AXIN1: variants seen among roughly 807,000 people sequenced by gnomAD.
AXIN1 encodes the protein axin-1.
AXIN1 carries 30 observed loss-of-function variants against 76.4 expected under a neutral mutation model. The observed-to-expected ratio is 0.39, with a 90% CI of 0.29 to 0.53. The LOEUF (loss-of-function observed/expected upper bound fraction) is 0.53. Ranked by LOEUF, AXIN1 falls within the 20% of genes least tolerant of loss-of-function variation. The pLI is 0.66. For missense variants in AXIN1, 1,140 were observed against 1,198.8 expected (o/e 0.95, Z 0.72); for synonymous variants, 545 against 501.4 (o/e 1.09, Z -1.16).
Position 291,530 on chromosome 16 carries a change from CCT to C in AXIN1, c.2187-235_2187-234del, listed in dbSNP as rs372114999. 2,197 of 589,418 alleles carry C rather than the reference CCT, an allele frequency of 3.7e-3. 26 individuals are homozygous for C. Among genetic ancestry groups the C allele is most frequent in the African/African-American group, 0.03 (1,641 of 54,134 alleles). 36.5% of individuals were successfully genotyped at this position (589,418 alleles called of 1,614,324 possible). ...ACATTCATGATCCCGGCACCAACCC[CCT>C]GAGTTCCCTGGACCGCACTTTGGGG... On this transcript the variant is annotated intron_variant, in intron 8 of 10. Transcript: ENST00000262320.
chr16:310,064 C>G lies in AXIN1; in HGVS notation c.1025G>C (p.Gly342Ala). The G allele has an allele frequency of 6.2e-7, 1 of 1,608,998 alleles. No homozygotes were observed. The highest frequency in any genetic ancestry group is 1.1e-5 in the South Asian group (1 of 90,278). The stretch of plus-strand genomic sequence containing the variant: ...CTTACGGATCCTGTATGGGGGGATC[C>G]CATCCCTGTCCAGGAGAAAGAGGCA... ...TLSLTDSSVDGIPPYRIRKQH... is the reference protein window; with the variant it reads ...TLSLTDSSVDAIPPYRIRKQH... Residue 342 changes from glycine (G) to alanine (A), a missense_variant, in exon 4 of 11, where the codon GGG becomes GCG. Transcript: ENST00000262320.
chr16:289,372 C>G (rs2141466384), intron 10 of AXIN1, 68 bp downstream of exon 10: 1 of 1,597,622 alleles, frequency 6.3e-7, no homozygotes, highest in Non-Finnish European at 8.6e-7. Flanking sequence ...GCTGGAAACC[C>G]TCTTTTTCAT....
At chr16:335,131 T>C (rs796316075) in intron 2 of AXIN1, among the ~76,000 whole-genome samples, 3 of 152,244 alleles carry the variant, frequency 2.0e-5, no homozygotes, top group Admixed American at 6.5e-5. Context: ...ATTTGTAAAC[T>C]TTTTTGTTCA....
At chr16:343,513 C>A (rs2053969808) in intron 2 of AXIN1, among the ~76,000 whole-genome samples, 2 of 151,654 alleles carry the variant, frequency 1.3e-5, no homozygotes, top group South Asian at 4.2e-4. Flanking sequence ...ACCAGACTGG[C>A]CAACGTGGTA....
chr16:319,253 G>A (rs888153979), intron 2 of AXIN1, among the ~76,000 whole-genome samples: 1 of 152,102 alleles, frequency 6.6e-6, no homozygotes, highest in African/African-American at 2.4e-5. Flanking sequence ...CAGGAGACTC[G>A]CTGGAGCCCG....
intron 5 of AXIN1, among the ~76,000 whole-genome samples, chr16:302,995 G>A (rs2052914582): frequency 6.6e-6 from 1 of 152,080 alleles, no homozygotes. Context: ...CTGAATACCT[G>A]GGACCACAGG....
intron 2 of AXIN1, among the ~76,000 whole-genome samples, chr16:320,023 G>A (rs1286724906): frequency 1.3e-5 from 2 of 152,052 alleles, no homozygotes; most frequent in East Asian, 3.9e-4. Flanking sequence ...TCCTGTGCCT[G>A]GACATGTCTC....
chr16:336,612 T>C (rs2053808308), intron 2 of AXIN1, among the ~76,000 whole-genome samples: 1 of 151,202 alleles, frequency 6.6e-6, no homozygotes, highest in Non-Finnish European at 1.5e-5. Context: ...ACGAGGTCAG[T>C]CCAAGACCAG....
chr16:297,532 C>A (rs985876107), intron 6 of AXIN1, among the ~76,000 whole-genome samples, 190 bp downstream of exon 6: 1 of 152,140 alleles, frequency 6.6e-6, no homozygotes, highest in African/African-American at 2.4e-5. Flanking sequence ...GTCCCCTAAC[C>A]TTCATCTCCC....
chr16:293,819 A>AGGATG lies in AXIN1; in HGVS notation c.1956-106_1956-102dup, dbSNP rs577792595. ...CACAAGGGCAGCCTCCTTGAGGGAT[A>AGGATG]GGATGGGATGGGGCACTGGGGCCTG... On this transcript the variant is annotated intron_variant, in intron 7 of 10. Transcript: ENST00000262320. This position sits in a 1 kb window ranked among gnomAD's most constrained non-coding sequence, Gnocchi z 4.6. 3.4e-3 allele frequency: 4,050 copies of AGGATG among 1,182,264 alleles called. 17 individuals carry two copies. The highest frequency in any genetic ancestry group is 4.2e-3 in the Non-Finnish European group (3,346 of 800,706). The allele number at this position is 1,182,264 out of a possible 1,614,324, so 73.2% of individuals were successfully genotyped here. A position where few individuals can be genotyped will look rare whatever the true frequency, so the allele number is the denominator to read the frequency against.
chr16:306,176 C>A (rs1357541440), intron 4 of AXIN1, among the ~76,000 whole-genome samples: 1 of 152,088 alleles, frequency 6.6e-6, no homozygotes, highest in Non-Finnish European at 1.5e-5. Context: ...CGTACACACA[C>A]ACGCACACAC....
Position 298,044 on chromosome 16 carries a change from C to T in AXIN1, c.1462G>A (p.Gly488Arg), listed in dbSNP as rs1380417138. The T allele has an allele frequency of 6.3e-7, 1 of 1,584,682 alleles. No homozygotes were observed. Among genetic ancestry groups the T allele is most frequent in the Non-Finnish European group, 8.5e-7 (1 of 1,171,092 alleles). The change falls in exon 6 of 11, where the codon GGG (glycine) becomes AGG (arginine). Residue 488 changes from glycine to arginine, a missense_variant. Gly to Arg is a moderately radical substitution (Grantham distance 125). Transcript: ENST00000262320. ...CTGTCCGGGGAGCGATGGCCAGGCC[C>T]AGGCGACTGGCGGCCAGGTGTCCTC... ...VLRTPGRQSP[G>R]PGHRSPDSGH...
At chr16:294,460 C>CAAAAAAAA (rs35746106) in intron 7 of AXIN1, among the ~76,000 whole-genome samples, 1 of 48,288 alleles carries the variant, frequency 2.1e-5, no homozygotes, top group African/African-American at 8.5e-5. Flanking sequence ...GACTCCATCT[C>CAAAAAAAA]AAAAAAAAAA....
Position 291,303 on chromosome 16 carries a change from G to T in AXIN1, c.2187-6C>A. 6.4e-7 allele frequency: 1 copy of T among 1,570,182 alleles called. No individual in the cohort carries two copies. On this transcript the variant is annotated splice_region_variant and splice_polypyrimidine_tract_variant and intron_variant, in intron 8 of 10. Coordinates refer to ENST00000262320, the MANE Select transcript of AXIN1 (RefSeq NM_003502.4). ...GCATAACCTCCTGCACATACCTAGG[G>T]AACAACCCGCGTCAAAGGTGGCTGT... is the stretch of plus-strand genomic sequence containing the variant.
chr16:291,037 G>C, intron 9 of AXIN1, 153 bp downstream of exon 9: 2 of 731,436 alleles, frequency 2.7e-6, no homozygotes, highest in Non-Finnish European at 4.9e-6. Context: ...GGGCAGCTTC[G>C]AGTCTGATGC....
At chr16:314,491 G>C (rs150885920) in intron 3 of AXIN1, 52 bp downstream of exon 3, 1 of 1,610,610 alleles carries the variant, frequency 6.2e-7, no homozygotes, top group East Asian at 2.2e-5. Flanking sequence ...GTCTGGGACC[G>C]GACTTACACA....
rs1201246543 is a variant in AXIN1 at position 293,989 on chromosome 16, CAT to C, written c.1956-273_1956-272del. ...GGTCGGGAGTTCGAGATCAACCTAA[CAT>C]GGTGAAACCTCATCGCTACTAAATA... is the stretch of plus-strand genomic sequence containing the variant. On this transcript the variant is annotated intron_variant, in intron 7 of 10. Transcript: ENST00000262320. The surrounding 1 kb of genome is among the most constrained non-coding windows in gnomAD (Gnocchi z 4.6). 6.6e-6 allele frequency among the ~76,000 whole-genome samples: 1 copy of C among 152,072 alleles called. No individual in the cohort carries two copies. Among genetic ancestry groups the C allele is most frequent in the East Asian group, 1.9e-4 (1 of 5,186 alleles).
At chr16:318,361 C>G (rs2053351467) in intron 2 of AXIN1, among the ~76,000 whole-genome samples, 1 of 152,178 alleles carries the variant, frequency 6.6e-6, no homozygotes, top group African/African-American at 2.4e-5. Flanking sequence ...CAAGGTCAGG[C>G]AGCAAAGGGG....
intron 3 of AXIN1, among the ~76,000 whole-genome samples, chr16:311,102 G>A (rs1297430269): frequency 3.1e-4 from 4 of 12,754 alleles, no homozygotes; most frequent in Admixed American, 9.7e-4. Flanking sequence ...GCGCGATCTC[G>A]GATCACTGCA....
Sources: allele counts gnomAD v4.1 joint callset (sites outside exome capture counted in the v4.1 genomes callset), GRCh38; gene constraint gnomAD v4.1.1; non-coding constraint Gnocchi (gnomAD v3.1); transcripts MANE v1.5; gene names NCBI Gene and HGNC (gene_info 2026-07-23, HGNC 2026-07-21).